Variants in SLC26A11 observed in about 807,000 individuals in gnomAD.
SLC26A11 encodes sodium-independent sulfate anion transporter.
A neutral mutation model predicts 62.2 loss-of-function variants in SLC26A11; 58 were observed. The observed-to-expected ratio is 0.93, with a 90% CI of 0.76 to 1.16. SLC26A11 has a LOEUF of 1.16. SLC26A11 is among the 50% of genes most tolerant of loss of function. SLC26A11 has a pLI of 0.00. For synonymous variants in SLC26A11, 411 were observed against 368.9 expected (o/e 1.11, Z -1.31); for missense variants, 790 against 794.3 (o/e 0.99, Z 0.06).
At chr17:80,227,112 C>G (rs943414461) in intron 6 of SLC26A11, among the ~76,000 whole-genome samples, 8 of 152,178 alleles carry the variant, frequency 5.3e-5, no homozygotes, top group Non-Finnish European at 8.8e-5. Context: ...ATGTCTAGAG[C>G]AGGGTGTCCA....
Position 80,237,578 on chromosome 17 carries a change from G to T in SLC26A11, c.969G>T (p.Ala323=). The T allele has an allele frequency of 1.2e-6, 2 of 1,611,530 alleles. No homozygotes were observed. The highest frequency in any genetic ancestry group is 2.2e-5 in the East Asian group (1 of 44,826). ...TGATGGGCCTCCTGGAGAGCATTGC[G>T]GTGGCCAAAGCCTTCGGTAAGACGC... The part of the protein sequence containing the change: ...VPLMGLLESI[A]VAKAFASQNN... Residue 323 remains alanine (A), a synonymous_variant, in exon 9 of 18, where the codon GCG becomes GCT. Transcript: ENST00000361193.
chr17:80,229,554 C>T (rs908295389), intron 7 of SLC26A11, among the ~76,000 whole-genome samples: 5 of 151,948 alleles, frequency 3.3e-5, no homozygotes, highest in Admixed American at 6.6e-5. Context: ...CTCAGCCTCG[C>T]GAGTAGCTGG....
chr17:80,227,858 CT>C lies in SLC26A11; in HGVS notation c.635del (p.Leu212ArgfsTer4), dbSNP rs747710497. 17 of 1,603,104 alleles carry C rather than the reference CT, an allele frequency of 1.1e-5. 1 individual carries two copies. The South Asian group carries it at 1.4e-4, about 13-fold the overall frequency. On this transcript the variant is annotated frameshift_variant, in exon 7 of 18. Coordinates refer to ENST00000361193, the MANE Select transcript of SLC26A11 (RefSeq NM_001166347.2). LOFTEE classifies it high-confidence loss of function. ...CCTGGGGCTGGTCTGCATGCTGCTGCTGCTGGTGCTGAAGCTGATGCGGGAC... is the reference window on the plus strand; with the variant it reads ...CCTGGGGCTGGTCTGCATGCTGCTGCGCTGGTGCTGAAGCTGATGCGGGAC... Reference protein sequence around the residue: ...AVLGLVCMLLLLVLKLMRDHV... With the variant: ...AVLGLVCMLLXLVLKLMRDHV...
In SLC26A11 at chr17:80,246,511, G is replaced by A; in HGVS notation, c.1156G>A (p.Val386Met). 1 of 1,611,220 alleles carries A rather than the reference G, an allele frequency of 6.2e-7. No individual in the cohort carries two copies. Among genetic ancestry groups the A allele is most frequent in the Non-Finnish European group, 8.5e-7 (1 of 1,179,998 alleles). ...ACCTGTGTTCCCGTGCCCCGCAGGA[G>A]TGCTGGTGCTGCTGTCTCTGGACTA... ...CTPAGGLVTG[V>M]LVLLSLDYLT... Residue 386 changes from valine to methionine, a missense_variant and splice_region_variant, in exon 13 of 18, where the codon GTG becomes ATG. Physicochemically the swap from Val to Met is conservative, Grantham distance 21. Transcript: ENST00000361193. This position sits in a 1 kb window ranked among gnomAD's most constrained non-coding sequence, Gnocchi z 4.4.
Position 80,222,432 on chromosome 17 carries a change from C to T in SLC26A11, c.235-223C>T, listed in dbSNP as rs1443314746. On this transcript the variant is annotated intron_variant, in intron 3 of 17. Transcript: ENST00000361193. The surrounding 1 kb of genome is among the most constrained non-coding windows in gnomAD (Gnocchi z 4.7). The stretch of plus-strand genomic sequence containing the variant: ...TTGGACACAGCACACGGGCCTGCAC[C>T]GACCCCTCTGCCTGGCTGTCTGCAC... 5.0e-5 allele frequency: 29 copies of T among 578,176 alleles called. No homozygotes were observed. The highest frequency in any genetic ancestry group is 6.7e-5 in the South Asian group (3 of 45,072). The allele number at this position is 578,176 out of a possible 1,614,324, so 35.8% of individuals were successfully genotyped here.
chr17:80,224,454 TGA>T (rs113716377), intron 5 of SLC26A11, among the ~76,000 whole-genome samples: 17,409 of 149,236 alleles, frequency 0.12, 1,193 homozygotes, highest in African/African-American at 0.19. Context: ...AGTGTGAGTG[TGA>T]GAGTGTGAGT....
In SLC26A11 at chr17:80,252,035, C is replaced by T. The variant is rs776425506; in HGVS notation, c.1730-590C>T. The stretch of plus-strand genomic sequence containing the variant: ...GCCGGGTCAGGAGATCCAGAAGCCC[C>T]GGGACAGAAGGTACGGGAGGGACAG... On this transcript the variant is annotated intron_variant, in intron 17 of 17. Transcript: ENST00000361193. The surrounding 1 kb of genome is among the most constrained non-coding windows in gnomAD (Gnocchi z 5.2). Among the ~76,000 whole-genome samples the T allele has an allele frequency of 1.3e-5, 2 of 152,094 alleles. No individual in the cohort carries two copies. Among genetic ancestry groups the T allele is most frequent in the Non-Finnish European group, 2.9e-5 (2 of 68,020 alleles).
intron 7 of SLC26A11, among the ~76,000 whole-genome samples, chr17:80,230,882 A>C (rs1196847981): frequency 6.6e-6 from 1 of 152,154 alleles, no homozygotes; most frequent in Non-Finnish European, 1.5e-5. Context: ...CAGTGAGGAA[A>C]GTGAGCCTAT....
chr17:80,245,358 C>A, intron 11 of SLC26A11, 102 bp downstream of exon 11: 1 of 1,169,686 alleles, frequency 8.5e-7, no homozygotes, highest in Non-Finnish European at 1.3e-6. Context: ...CCCCGTCCTC[C>A]ACTGTGAACG....
At chr17:80,232,413 C>T (rs1212638559) in intron 7 of SLC26A11, among the ~76,000 whole-genome samples, 1 of 152,118 alleles carries the variant, frequency 6.6e-6, no homozygotes, top group Non-Finnish European at 1.5e-5. Flanking sequence ...CACCACCAAG[C>T]CCAGCTAATT....
At position 80,228,022 on chromosome 17, in the gene SLC26A11, GT is replaced by G; in HGVS notation, c.736+63del. ...GCTGCAGGTTGGGGTCACTTGGGGA[GT>G]CCTAGTCCCACCCTAGGGATTCTCA... On this transcript the variant is annotated intron_variant, in intron 7 of 17. Coordinates refer to ENST00000361193, the MANE Select transcript of SLC26A11 (RefSeq NM_001166347.2). The surrounding 1 kb of genome is among the most constrained non-coding windows in gnomAD (Gnocchi z 4.1). 7 of 1,490,572 alleles carry G rather than the reference GT, an allele frequency of 4.7e-6. No individual in the cohort carries two copies. The highest frequency in any genetic ancestry group is 6.4e-6 in the Non-Finnish European group (7 of 1,098,688). 92.3% of individuals were successfully genotyped at this position (1,490,572 alleles called of 1,614,324 possible). A position where few individuals can be genotyped will look rare whatever the true frequency, so the allele number is the denominator to read the frequency against.
rs1366044421 is a variant in SLC26A11, at chr17:80,238,820, G to GTTTTTTTTTT, written c.985+1232_985+1233insTTTTTTTTTT. Among the ~76,000 whole-genome samples the GTTTTTTTTTT allele has an allele frequency of 3.3e-3, 284 of 87,302 alleles. 26 individuals carry two copies. Among genetic ancestry groups the GTTTTTTTTTT allele is most frequent in the Non-Finnish European group, 4.1e-3 (174 of 42,916 alleles). 57.3% of individuals were successfully genotyped at this position (87,302 alleles called of 152,430 possible). A position where few individuals can be genotyped will look rare whatever the true frequency, so the allele number is the denominator to read the frequency against. The stretch of plus-strand genomic sequence containing the variant: ...TACCCCCTTCAAAGGAGTTTTTTTT[G>GTTTTTTTTTT]TTTTTTGTTTTTTTTTTTTTTTGGA... On this transcript the variant is annotated intron_variant, in intron 9 of 17. Transcript: ENST00000361193.
chr17:80,233,990 TAA>T (rs1276845445), intron 7 of SLC26A11, among the ~76,000 whole-genome samples: 2 of 152,074 alleles, frequency 1.3e-5, no homozygotes, highest in South Asian at 4.1e-4. Flanking sequence ...CAGTACTTTT[TAA>T]AAAAAAGTTA....
chr17:80,247,115 G>A (rs2144973676), intron 13 of SLC26A11, among the ~76,000 whole-genome samples: 1 of 149,832 alleles, frequency 6.7e-6, no homozygotes, highest in South Asian at 2.1e-4. Flanking sequence ...GGTGTTTCTT[G>A]CAGAGGGGGA....
chr17:80,236,145 C>T (rs950083993), intron 7 of SLC26A11, among the ~76,000 whole-genome samples: 2 of 152,208 alleles, frequency 1.3e-5, no homozygotes, highest in African/African-American at 2.4e-5. Flanking sequence ...GGGTTTTTTA[C>T]TCTGGTGTGA....
rs1034412639 is a variant in SLC26A11 at position 80,226,040 on chromosome 17, C to T, written c.593+124C>T. On this transcript the variant is annotated intron_variant, in intron 6 of 17. Coordinates refer to ENST00000361193, the MANE Select transcript of SLC26A11 (RefSeq NM_001166347.2). ...CAAACAGGGGTCCCCAGAGCAGCCC[C>T]ATCAGCAGCACCTGCAAGCTGGCAA... 1.0e-5 allele frequency: 8 copies of T among 763,576 alleles called. No homozygotes were observed. The Admixed American group carries it at 1.6e-4, about 16-fold the overall frequency. The allele number at this position is 763,576 out of a possible 1,614,324, so 47.3% of individuals were successfully genotyped here. A position where few individuals can be genotyped will look rare whatever the true frequency, so the allele number is the denominator to read the frequency against.
In SLC26A11 at chr17:80,221,688, A is replaced by G. The variant is rs1350966127; in HGVS notation, c.128A>G (p.Tyr43Cys). Residue 43 changes from tyrosine to cysteine, a missense_variant, in exon 3 of 18, where the codon TAC becomes TGC. By Grantham distance (194) the Tyr-to-Cys change is radical (BLOSUM62 -2). Coordinates refer to ENST00000361193, the MANE Select transcript of SLC26A11 (RefSeq NM_001166347.2). Reference protein sequence around the residue: ...RLPILAWLPSYSLQWLKMDFV... With the variant: ...RLPILAWLPSCSLQWLKMDFV... ...CCCATCCTGGCGTGGCTGCCCAGCT[A>G]CTCCCTGCAGTGGCTGAAGATGGAT... The G allele has an allele frequency of 6.2e-7, 1 of 1,612,880 alleles. No homozygotes were observed. Among genetic ancestry groups the G allele is most frequent in the Non-Finnish European group, 8.5e-7 (1 of 1,179,924 alleles).
At chr17:80,232,714 C>G (rs987116297) in intron 7 of SLC26A11, among the ~76,000 whole-genome samples, 2 of 152,174 alleles carry the variant, frequency 1.3e-5, no homozygotes, top group African/African-American at 4.8e-5. Context: ...GACTTTAGAT[C>G]TACCATGTTG....
intron 16 of SLC26A11, among the ~76,000 whole-genome samples, chr17:80,249,573 G>T (rs1050101689): frequency 6.6e-6 from 1 of 152,204 alleles, no homozygotes; most frequent in African/African-American, 2.4e-5. Context: ...ACGAGGGTCA[G>T]TCCCTGCTCT....
Sources: gnomAD v4.1 joint callset for allele counts (sites outside exome capture counted in the v4.1 genomes callset) on GRCh38, gnomAD v4.1.1 for gene constraint, Gnocchi (gnomAD v3.1) non-coding constraint, MANE v1.5 for transcripts, NCBI Gene and HGNC (gene_info 2026-07-23, HGNC 2026-07-21) for gene names.